Variants in DOCK3 observed in about 807,000 individuals in gnomAD.
The protein encoded by DOCK3 is dedicator of cytokinesis 3.
Under a neutral mutation model 265.6 loss-of-function variants are expected in DOCK3, and 60 were observed. That is an observed-to-expected ratio of 0.23 (90% CI 0.18 to 0.28). DOCK3 has a LOEUF of 0.28. Among genes scored for constraint, DOCK3 ranks in the 10% least tolerant of loss-of-function variants. DOCK3 has a pLI of 1.00. For synonymous variants in DOCK3, 881 were observed against 938.0 expected, an observed-to-expected ratio of 0.94 and a Z score of 1.11; for missense variants, 1,981 against 2,594.3, an observed-to-expected ratio of 0.76 and a Z score of 5.14.
chr3:51,283,143 C>G, intron 27 of DOCK3, among the ~76,000 whole-genome samples: 1 of 152,196 alleles, frequency 6.6e-6, no homozygotes, highest in Non-Finnish European at 1.5e-5. Context: ...TCACTTCCCT[C>G]TGAGAGAAGG....
At chr3:51,016,603 T>TTATATATG (rs1249182887) in intron 5 of DOCK3, among the ~76,000 whole-genome samples, 6 of 81,390 alleles carry the variant, frequency 7.4e-5, no homozygotes, top group African/African-American at 3.1e-4. Flanking sequence ...ATATATGATA[T>TTATATATG]ATATATTATA....
chr3:51,289,269 A>G (rs948819179), intron 27 of DOCK3, among the ~76,000 whole-genome samples: 1 of 152,152 alleles, frequency 6.6e-6, no homozygotes, highest in African/African-American at 2.4e-5. Context: ...CACAGATACT[A>G]GGGCCTATTT....
intron 1 of DOCK3, among the ~76,000 whole-genome samples, chr3:50,766,273 TC>T (rs2040868267): frequency 1.8e-5 from 1 of 54,306 alleles, no homozygotes; most frequent in Admixed American, 2.6e-4. Flanking sequence ...CCCTCCCCCC[TC>T]CCCCCACCCC....
At chr3:51,045,038 C>T (rs1219820688) in intron 5 of DOCK3, among the ~76,000 whole-genome samples, 4 of 152,090 alleles carry the variant, frequency 2.6e-5, no homozygotes, top group African/African-American at 9.7e-5. Flanking sequence ...CTTTTAATTT[C>T]CCCCAACAAA....
Position 51,016,540 on chromosome 3 carries a change from T to TATATC in DOCK3, c.316-47904_316-47903insCATAT, listed in dbSNP as rs1559943943. 9.9e-3 allele frequency among the ~76,000 whole-genome samples: 202 copies of TATATC among 20,374 alleles called. 21 individuals are homozygous for TATATC. Among genetic ancestry groups the TATATC allele is most frequent in the African/African-American group, 0.069 (193 of 2,798 alleles). The allele number at this position is 20,374 out of a possible 152,430, so 13.4% of individuals were successfully genotyped here. On this transcript the variant is annotated intron_variant, in intron 5 of 52. Transcript: ENST00000266037. Reference sequence around the variant, plus strand: ...ATATATTTCTATATAATATATGATATATATATTTATATATATCATATATTA... The same window carrying TATATC: ...ATATATTTCTATATAATATATGATATATATCATATATTTATATATATCATATATTA...
At chr3:50,964,534 T>G (rs2076974835) in intron 5 of DOCK3, among the ~76,000 whole-genome samples, 1 of 152,070 alleles carries the variant, frequency 6.6e-6, no homozygotes, top group Admixed American at 6.6e-5. Context: ...GAGAAAAGAT[T>G]AGTGAACTTA....
At chr3:51,248,479 T>C (rs2078948302) in intron 22 of DOCK3, among the ~76,000 whole-genome samples, 1 of 152,170 alleles carries the variant, frequency 6.6e-6, no homozygotes, top group South Asian at 2.1e-4. Context: ...GCAGACGGAG[T>C]GTGGTTCACT....
At chr3:51,018,323 C>A (rs751351006) in intron 5 of DOCK3, among the ~76,000 whole-genome samples, 1 of 151,446 alleles carries the variant, frequency 6.6e-6, no homozygotes, top group South Asian at 2.1e-4. Context: ...CTTGGCTGGG[C>A]GTGGTGGCTC....
At chr3:50,851,821 A>G (rs955794514) in intron 3 of DOCK3, among the ~76,000 whole-genome samples, 18 of 152,270 alleles carry the variant, frequency 1.2e-4, no homozygotes, top group African/African-American at 4.3e-4. Flanking sequence ...CAGAACAGGT[A>G]CTCTGATCTC....
At chr3:51,184,548 C>CAAA (rs34361078) in intron 12 of DOCK3, among the ~76,000 whole-genome samples, 4 of 145,552 alleles carry the variant, frequency 2.7e-5, no homozygotes, top group Admixed American at 1.4e-4. Context: ...CAATTTTAGC[C>CAAA]AAAAAAAAAA....
rs184510904 is a variant in DOCK3 at position 51,041,602 on chromosome 3, G to T, written c.316-22846G>T. Among the ~76,000 whole-genome samples the T allele has an allele frequency of 3.3e-5, 5 of 152,214 alleles. No individual in the cohort carries two copies. The East Asian group carries it at 9.7e-4, about 29-fold the overall frequency. On this transcript the variant is annotated intron_variant, in intron 5 of 52. Transcript: ENST00000266037. ...TGCAGAATAGATCTTGTGTTAACAG[G>T]CATGAAAACATGAATCTCCTTGTAC...
chr3:51,345,779 A>T (rs888877142), intron 38 of DOCK3, among the ~76,000 whole-genome samples: 1 of 152,220 alleles, frequency 6.6e-6, no homozygotes, highest in Admixed American at 6.5e-5. Flanking sequence ...CTTTTGAGAA[A>T]CACAACCCCA....
At chr3:51,314,835 G>C (rs2083280928) in intron 31 of DOCK3, 145 bp from the exon 32 acceptor site, 2 of 978,968 alleles carry the variant, frequency 2.0e-6, no homozygotes, top group Non-Finnish European at 2.7e-6. Flanking sequence ...AGTTGAGGGA[G>C]AGTACCTCAG....
chr3:51,240,802 T>C (rs1437122234), intron 21 of DOCK3, among the ~76,000 whole-genome samples: 1 of 152,244 alleles, frequency 6.6e-6, no homozygotes, highest in Non-Finnish European at 1.5e-5. Flanking sequence ...TCCATCCCTT[T>C]ATTTTGAGCC....
intron 49 of DOCK3, among the ~76,000 whole-genome samples, chr3:51,367,933 T>C (rs2110447857): frequency 6.6e-6 from 1 of 152,382 alleles, no homozygotes; most frequent in East Asian, 1.9e-4. Context: ...ATTTTTTCCT[T>C]CGTTTCAACT....
rs951899510 is a variant in DOCK3 at position 51,183,977 on chromosome 3, A to G, written c.1037+23275A>G. On this transcript the variant is annotated intron_variant, in intron 12 of 52. Coordinates refer to ENST00000266037, the MANE Select transcript of DOCK3 (RefSeq NM_004947.5). ...CACTCCAATTGCAATGACCATACCT[A>G]GAGCCTAGATCTTGGTTTCTAATAT... 6.6e-5 allele frequency among the ~76,000 whole-genome samples: 10 copies of G among 152,318 alleles called. No individual in the cohort carries two copies. In the South Asian group the frequency reaches 1.9e-3, roughly 28 times the overall value.
chr3:50,811,966 G>A (rs1156785800), intron 2 of DOCK3, among the ~76,000 whole-genome samples: 1 of 152,204 alleles, frequency 6.6e-6, no homozygotes, highest in East Asian at 1.9e-4. Flanking sequence ...AGAGAGGGTG[G>A]ACAAGCAAGA....
At chr3:51,274,123 G>A (rs746336098) in intron 24 of DOCK3, among the ~76,000 whole-genome samples, 6 of 152,178 alleles carry the variant, frequency 3.9e-5, no homozygotes, top group Admixed American at 6.5e-5. Flanking sequence ...AGTGCTATTC[G>A]GTAACACTGG....
chr3:51,057,848 T>C lies in DOCK3; in HGVS notation c.316-6600T>C, dbSNP rs78933579. On this transcript the variant is annotated intron_variant, in intron 5 of 52. Coordinates refer to ENST00000266037, the MANE Select transcript of DOCK3 (RefSeq NM_004947.5). ...ATCCATTTCCTTCTTTGTGCATCTTTACACAGTTGGTGTAGGATAAGTAAT... is the reference window on the plus strand; with the variant it reads ...ATCCATTTCCTTCTTTGTGCATCTTCACACAGTTGGTGTAGGATAAGTAAT... 7.8e-3 allele frequency among the ~76,000 whole-genome samples: 1,187 copies of C among 152,334 alleles called. 9 individuals are homozygous for C. Among genetic ancestry groups the C allele is most frequent in the South Asian group, 0.02 (97 of 4,830 alleles).
Sources: allele counts gnomAD v4.1 joint callset (sites outside exome capture counted in the v4.1 genomes callset), GRCh38; gene constraint gnomAD v4.1.1; transcripts MANE v1.5; gene names NCBI Gene and HGNC (gene_info 2026-07-23, HGNC 2026-07-21).